BOLL: variants seen among roughly 807,000 people sequenced by gnomAD.
BOLL encodes the protein boule RNA binding protein.
Under a neutral mutation model 44.4 loss-of-function variants are expected in BOLL, and 23 were observed. The ratio of observed to expected loss-of-function variants is 0.52; its 90% CI spans 0.37 to 0.73. The LOEUF is 0.73. BOLL is among the 30% of genes least tolerant of loss of function. BOLL has a pLI of 0.00. For missense variants in BOLL, 287 were observed against 338.3 expected, an observed-to-expected ratio of 0.85 and a Z score of 1.19; for synonymous variants, 97 against 110.8, an observed-to-expected ratio of 0.88 and a Z score of 0.78.
At chr2:197,731,729 A>G (rs1687190858) in intron 10 of BOLL, among the ~76,000 whole-genome samples, 1 of 152,160 alleles carries the variant, frequency 6.6e-6, no homozygotes, top group Admixed American at 6.5e-5. Context: ...GTACATAACA[A>G]AATGAAGGCA....
chr2:197,780,575 A>G (rs1195744364), intron 2 of BOLL, among the ~76,000 whole-genome samples: 2 of 152,072 alleles, frequency 1.3e-5, no homozygotes, highest in Admixed American at 6.6e-5. Context: ...CTTTTTAAAA[A>G]TAAATATTTT....
intron 7 of BOLL, among the ~76,000 whole-genome samples, chr2:197,757,826 C>A (rs1244303714): frequency 6.6e-6 from 1 of 151,990 alleles, no homozygotes; most frequent in African/African-American, 2.4e-5. Flanking sequence ...AGACAAGTAA[C>A]CCAACTTAAA....
Position 197,777,784 on chromosome 2 carries a change from A to G in BOLL, c.222-671T>C, listed in dbSNP as rs75983641. On this transcript the variant is annotated intron_variant, in intron 3 of 10. Transcript: ENST00000392296. ...AAAAAAGTAACAAAAGAAAGAAAAA[A>G]TGTATCTCTCAAAACATAATTGCTA... Among the ~76,000 whole-genome samples the G allele has an allele frequency of 7.1e-3, 1,082 of 152,016 alleles. 21 individuals are homozygous for G. The highest frequency in any genetic ancestry group is 0.024 in the African/African-American group (1,014 of 41,534).
At chr2:197,754,750 AACACACACACACAC>A (rs142614771) in intron 9 of BOLL, among the ~76,000 whole-genome samples, 3 of 149,968 alleles carry the variant, frequency 2.0e-5, no homozygotes, top group East Asian at 2.0e-4. Flanking sequence ...AAAACCCCAA[AACACACACACACAC>A]ACACACACAC....
chr2:197,779,129 A>C, intron 2 of BOLL, 63 bp from the exon 3 acceptor site: 69 of 1,253,764 alleles, frequency 5.5e-5, no homozygotes, highest in Non-Finnish European at 7.0e-5. Context: ...AATAATTCTC[A>C]TGCTTGCTCT....
intron 9 of BOLL, among the ~76,000 whole-genome samples, chr2:197,748,108 C>T (rs182977138): frequency 2.6e-5 from 4 of 152,308 alleles, no homozygotes; most frequent in Non-Finnish European, 5.9e-5. Context: ...TGAGCAGAAG[C>T]AGGGTGGGGC....
intron 10 of BOLL, among the ~76,000 whole-genome samples, chr2:197,741,827 T>A (rs891587155): frequency 2.0e-5 from 3 of 152,128 alleles, no homozygotes; most frequent in African/African-American, 7.2e-5. Context: ...CTAATTAAAC[T>A]AAAGAGCTTC....
At chr2:197,770,737 A>C (rs1348019529) in intron 6 of BOLL, among the ~76,000 whole-genome samples, 1 of 152,204 alleles carries the variant, frequency 6.6e-6, no homozygotes, top group Non-Finnish European at 1.5e-5. Flanking sequence ...GCCAAAAGAC[A>C]CATGAAAAAA....
intron 7 of BOLL, among the ~76,000 whole-genome samples, 160 bp downstream of exon 7, chr2:197,766,372 T>C (rs1428215445): frequency 6.6e-6 from 1 of 152,154 alleles, no homozygotes; most frequent in Non-Finnish European, 1.5e-5. Flanking sequence ...CCATTCTGAC[T>C]GGTGTGAGAT....
intron 9 of BOLL, among the ~76,000 whole-genome samples, chr2:197,749,724 T>A (rs182417786): frequency 2.1e-4 from 32 of 151,936 alleles, no homozygotes; most frequent in African/African-American, 7.7e-4. Context: ...CTTCAAGAAA[T>A]ATGGGACTAT....
intron 10 of BOLL, among the ~76,000 whole-genome samples, chr2:197,730,983 T>C (rs1442400000): frequency 3.3e-5 from 5 of 151,538 alleles, no homozygotes; most frequent in African/African-American, 1.2e-4. Context: ...TAAATGTAAA[T>C]GGACTAAATG....
chr2:197,781,374 A>G (rs1290199113), intron 2 of BOLL, among the ~76,000 whole-genome samples: 2 of 151,994 alleles, frequency 1.3e-5, no homozygotes, highest in African/African-American at 4.8e-5. Flanking sequence ...ATAATAATCA[A>G]TTATTTTGGC....
chr2:197,748,061 T>G (rs989943561), intron 9 of BOLL, among the ~76,000 whole-genome samples: 8 of 152,166 alleles, frequency 5.3e-5, no homozygotes, highest in African/African-American at 1.9e-4. Context: ...CTCATCTCAC[T>G]GGGACTGGTT....
intron 7 of BOLL, among the ~76,000 whole-genome samples, chr2:197,761,976 A>G (rs1298846377): frequency 6.6e-6 from 1 of 152,204 alleles, no homozygotes; most frequent in Non-Finnish European, 1.5e-5. Flanking sequence ...ATCTAAAGAG[A>G]GAGGGAGAAA....
At chr2:197,771,778 G>C in intron 6 of BOLL, 77 bp downstream of exon 6, 2 of 1,379,582 alleles carry the variant, frequency 1.4e-6, no homozygotes, top group Non-Finnish European at 1.9e-6. Flanking sequence ...CTGTGGTTAA[G>C]ATATTTCAGA....
At chr2:197,728,745 G>A (rs1458370081) in intron 10 of BOLL, among the ~76,000 whole-genome samples, 167 bp from the exon 11 acceptor site, 1 of 152,086 alleles carries the variant, frequency 6.6e-6, no homozygotes, top group Non-Finnish European at 1.5e-5. Context: ...ATTTAGGAGG[G>A]CTCCAGAACT....
chr2:197,786,176 GC>G, upstream of BOLL: 1 of 929,432 alleles, frequency 1.1e-6, no homozygotes, highest in Non-Finnish European at 1.5e-6. The surrounding 1 kb of genome is among the most constrained non-coding windows in gnomAD (Gnocchi z 5.9). Flanking sequence ...CCCTGAACCT[GC>G]CACCTGGCGG....
chr2:197,783,132 C>T (rs1192508585), intron 1 of BOLL, among the ~76,000 whole-genome samples: 1 of 151,962 alleles, frequency 6.6e-6, no homozygotes, highest in African/African-American at 2.4e-5. Flanking sequence ...AAAGACAAAC[C>T]CCATAATATC....
chr2:197,778,979 T>C lies in BOLL; in HGVS notation c.217A>G (p.Lys73Glu). The C allele has an allele frequency of 6.2e-7, 1 of 1,608,680 alleles. No individual in the cohort carries two copies. The highest frequency in any genetic ancestry group is 8.5e-7 in the Non-Finnish European group (1 of 1,176,438). ...KIVNDRAGVS[K>E]GYGFVTFETQ... ...ACAATCTATAGTGATACTAACCCTT[T>C]GGATACTCCAGCTCTGTCATTTACA... Residue 73 changes from lysine to glutamate, a missense_variant, in exon 3 of 11, where the codon AAA becomes GAA. Coordinates refer to ENST00000392296, the MANE Select transcript of BOLL (RefSeq NM_033030.6).
Sources: allele counts gnomAD v4.1 joint callset (sites outside exome capture counted in the v4.1 genomes callset), GRCh38; gene constraint gnomAD v4.1.1; non-coding constraint Gnocchi (gnomAD v3.1); transcripts MANE v1.5; gene names NCBI Gene and HGNC (gene_info 2026-07-23, HGNC 2026-07-21).